PTPN20: variants seen among roughly 807,000 people sequenced by gnomAD.
PTPN20 encodes tyrosine-protein phosphatase non-receptor type 20.
PTPN20 carries 9 observed loss-of-function variants against 35.0 expected under a neutral mutation model. The observed-to-expected ratio is 0.26, with a 90% CI of 0.15 to 0.45. The LOEUF (loss-of-function observed/expected upper bound fraction) is 0.45, where lower values mean the gene tolerates loss of function less well. Among genes scored for constraint, PTPN20 ranks in the 20% least tolerant of loss-of-function variants. The pLI, the probability that PTPN20 is intolerant of heterozygous loss-of-function variation, is 1.00. For synonymous variants in PTPN20, 32 were observed against 100.2 expected (o/e 0.32, Z 4.06); for missense variants, 111 against 312.5 (o/e 0.36, Z 4.86).
chr10:46,929,707 A>G (rs1555117168), intron 1 of PTPN20, among the ~76,000 whole-genome samples: 1 of 148,914 alleles, frequency 6.7e-6, no homozygotes, highest in Non-Finnish European at 1.5e-5. Flanking sequence ...TCCAGAAATC[A>G]TTATAAAACA....
chr10:46,950,771 A>T (rs1393711877), intron 5 of PTPN20, among the ~76,000 whole-genome samples: 2 of 152,078 alleles, frequency 1.3e-5, no homozygotes, highest in African/African-American at 4.8e-5. Flanking sequence ...CCAATATAAT[A>T]GTTTATCTAA....
chr10:46,958,650 GT>G (rs1313681675), intron 5 of PTPN20, among the ~76,000 whole-genome samples: 2 of 115,780 alleles, frequency 1.7e-5, no homozygotes, highest in African/African-American at 6.9e-5. Flanking sequence ...TCGAGGCCTT[GT>G]TTCTTTCATG....
rs541557050 is a variant in PTPN20 at position 46,923,347 on chromosome 10, A to G, written c.-123-9030A>G. ...ATGTTATAGCAGCTCTTGGGCACCA[A>G]TACAGTTATCTTCTAGAAGTTTGAG... On this transcript the variant is annotated intron_variant, in intron 1 of 10. Transcript: ENST00000374339. Among the ~76,000 whole-genome samples the G allele has an allele frequency of 5.7e-3, 840 of 146,430 alleles. 50 individuals carry two copies. Among genetic ancestry groups the G allele is most frequent in the African/African-American group, 0.022 (799 of 36,580 alleles).
chr10:46,993,489 G>A (rs1033117725), intron 9 of PTPN20, among the ~76,000 whole-genome samples: 86 of 152,152 alleles, frequency 5.7e-4, no homozygotes, highest in Non-Finnish European at 9.7e-4. Flanking sequence ...CGGTGTTGCC[G>A]TGGGTGTATA....
At chr10:46,952,774 C>A (rs1459258498) in intron 5 of PTPN20, among the ~76,000 whole-genome samples, 3 of 151,898 alleles carry the variant, frequency 2.0e-5, no homozygotes, top group African/African-American at 7.3e-5. Context: ...TAGAGGATCA[C>A]CTGCATTGCA....
chr10:46,931,899 T>C (rs1194839197), intron 1 of PTPN20, among the ~76,000 whole-genome samples: 1 of 147,036 alleles, frequency 6.8e-6, no homozygotes, highest in Admixed American at 6.6e-5. Context: ...GAAAAAAGAT[T>C]TATTCTGTGT....
Position 47,001,206 on chromosome 10 carries a change from G to C in PTPN20, c.*465G>C, listed in dbSNP as rs894628305. The C allele has an allele frequency of 5.5e-6, 1 of 180,886 alleles. No homozygotes were observed. The highest frequency in any genetic ancestry group is 5.4e-5 in the Admixed American group (1 of 18,566). The allele number at this position is 180,886 out of a possible 1,614,324, so 11.2% of individuals were successfully genotyped here. On this transcript the variant is annotated 3_prime_UTR_variant, in exon 11 of 11. Transcript: ENST00000374339. ...GACAGATGTCTATTCATGTTCTTTAGCTAGAGCCTGTACTTTTTGCTGGCA... is the reference window on the plus strand; with the variant it reads ...GACAGATGTCTATTCATGTTCTTTACCTAGAGCCTGTACTTTTTGCTGGCA...
chr10:46,932,758 A>G (rs1231424468), intron 2 of PTPN20, among the ~76,000 whole-genome samples: 4 of 148,616 alleles, frequency 2.7e-5, no homozygotes, highest in African/African-American at 1.0e-4. Flanking sequence ...TACCCTTTTC[A>G]AATGGCATTT....
chr10:46,939,781 C>T (rs1473595308), intron 2 of PTPN20, among the ~76,000 whole-genome samples: 1 of 150,134 alleles, frequency 6.7e-6, no homozygotes, highest in African/African-American at 2.5e-5. Context: ...GTTGTCCCTT[C>T]ATTGATATTT....
chr10:46,945,013 G>A (rs1555139660), intron 4 of PTPN20, among the ~76,000 whole-genome samples: 2 of 142,926 alleles, frequency 1.4e-5, no homozygotes, highest in East Asian at 4.0e-4. Flanking sequence ...AAAAAGAGAA[G>A]AACATTTCAG....
chr10:46,993,201 G>A lies in PTPN20; in HGVS notation c.1134+5646G>A, dbSNP rs926133048. Among the ~76,000 whole-genome samples the A allele has an allele frequency of 2.1e-3, 326 of 152,324 alleles. 1 individual carries two copies. The highest frequency in any genetic ancestry group is 7.7e-4 in the East Asian group (4 of 5,178). ...GCAGTGGGGGTGGTGGGAAGGGGTA[G>A]CGATGATCCCCTGCCAGGTCCATTT... On this transcript the variant is annotated intron_variant, in intron 9 of 10. Transcript: ENST00000374339.
chr10:46,985,436 G>T (rs1367185174), intron 8 of PTPN20, among the ~76,000 whole-genome samples: 1 of 148,826 alleles, frequency 6.7e-6, no homozygotes, highest in Non-Finnish European at 1.5e-5. Flanking sequence ...GACAGAGGAG[G>T]GGTTGAAAAT....
intron 10 of PTPN20, among the ~76,000 whole-genome samples, chr10:47,000,341 G>C (rs2059891141): frequency 6.6e-6 from 1 of 152,078 alleles, no homozygotes; most frequent in Admixed American, 6.5e-5. Context: ...AAACTGTCAA[G>C]GTTATCAGGA....
intron 2 of PTPN20, among the ~76,000 whole-genome samples, chr10:46,937,950 C>CTTTTTTTTTTT (rs1266304586): frequency 7.9e-6 from 1 of 127,180 alleles, no homozygotes; most frequent in Non-Finnish European, 1.6e-5. Context: ...TTTTTCTTTT[C>CTTTTTTTTTTT]TTTTTTTTTT....
At chr10:46,937,593 A>AT (rs1185148364) in intron 2 of PTPN20, among the ~76,000 whole-genome samples, 17 of 148,012 alleles carry the variant, frequency 1.1e-4, no homozygotes, top group Admixed American at 2.0e-4. Context: ...ACAGACACTG[A>AT]TTTTTTTTCC....
intron 7 of PTPN20, among the ~76,000 whole-genome samples, chr10:46,978,931 T>C (rs1437199399): frequency 6.6e-6 from 1 of 150,574 alleles, no homozygotes; most frequent in Non-Finnish European, 1.5e-5. Context: ...AATTCTTCCT[T>C]GATAGGTGTA....
At chr10:46,979,958 A>G (rs2054828725) in intron 7 of PTPN20, among the ~76,000 whole-genome samples, 1 of 151,022 alleles carries the variant, frequency 6.6e-6, no homozygotes, top group Non-Finnish European at 1.5e-5. Context: ...CTTCCACAGG[A>G]TATTACAGAG....
rs2059966189 is a variant in PTPN20, at chr10:47,000,904, T to C, written c.*163T>C. On this transcript the variant is annotated 3_prime_UTR_variant, in exon 11 of 11. Transcript: ENST00000374339. ...AAAAGCTCCCTGAAGGGCAATATCA[T>C]TTGGCTTGGGGTGATCAGTGTTTAC... 1.2e-6 allele frequency: 1 copy of C among 846,370 alleles called. No homozygotes were observed. Among genetic ancestry groups the C allele is most frequent in the Non-Finnish European group, 2.0e-6 (1 of 505,136 alleles). The allele number at this position is 846,370 out of a possible 1,614,324, so 52.4% of individuals were successfully genotyped here. A position where few individuals can be genotyped will look rare whatever the true frequency, so the allele number is the denominator to read the frequency against.
chr10:46,950,644 A>T (rs1205074542), intron 5 of PTPN20, among the ~76,000 whole-genome samples: 5 of 152,056 alleles, frequency 3.3e-5, no homozygotes, highest in Non-Finnish European at 5.9e-5. Context: ...CAAAATTTTA[A>T]AAAATTAAAT....
Sources: allele counts gnomAD v4.1 joint callset (sites outside exome capture counted in the v4.1 genomes callset), GRCh38; gene constraint gnomAD v4.1.1; transcripts MANE v1.5; gene names NCBI Gene and HGNC (gene_info 2026-07-23, HGNC 2026-07-21).